Variants in PNN observed in about 807,000 individuals in gnomAD.
PNN encodes the protein pinin.
In PNN, 38 loss-of-function variants were observed where a neutral mutation model predicts 76.6. That is an observed-to-expected ratio of 0.50 (90% CI 0.38 to 0.65). The LOEUF (loss-of-function observed/expected upper bound fraction) is 0.65. Among genes scored for constraint, PNN ranks in the 30% least tolerant of loss-of-function variants. PNN has a pLI of 0.00. For synonymous variants in PNN, 366 were observed against 283.7 expected (o/e 1.29, Z -2.91); for missense variants, 873 against 874.1 (o/e 1.00, Z 0.02).
At chr14:39,175,417 ACTCGGAG>A (rs779425811) in intron 1 of PNN, 25 bp downstream of exon 1, 30 of 1,429,538 alleles carry the variant, frequency 2.1e-5, no homozygotes, top group Non-Finnish European at 2.9e-5. Flanking sequence ...GGAACTCGGA[ACTCGGAG>A]CTCGGAGAGG....
chr14:39,177,709 A>C (rs2053239537), intron 5 of PNN, 22 bp downstream of exon 5: 1 of 1,561,850 alleles, frequency 6.4e-7, no homozygotes, highest in Non-Finnish European at 8.8e-7. Context: ...GGGGAAAAAA[A>C]CTCTAGTGAA....
intron 6 of PNN, among the ~76,000 whole-genome samples, chr14:39,178,592 T>G (rs2053246890): frequency 1.3e-5 from 2 of 151,810 alleles, no homozygotes; most frequent in South Asian, 4.1e-4. Flanking sequence ...TCTTTTTTTT[T>G]GTAGAGATGG....
chr14:39,179,144 G>A lies in PNN; in HGVS notation c.552G>A (p.Glu184=). ...EQKLEVQAEE[E]RKQVENERRE... Reference sequence around the variant, plus strand: ...AACTTGAAGTTCAGGCAGAAGAAGAGAGAAAGCAGGTTGAAAATGAAAGGA... The same window carrying A: ...AACTTGAAGTTCAGGCAGAAGAAGAAAGAAAGCAGGTTGAAAATGAAAGGA... The change falls in exon 7 of 9, where the codon GAG becomes GAA. Residue 184 remains glutamate (E), a synonymous_variant. Coordinates refer to ENST00000216832, the MANE Select transcript of PNN (RefSeq NM_002687.4). 2 of 1,614,072 alleles carry A rather than the reference G, an allele frequency of 1.2e-6. No homozygotes were observed. The highest frequency in any genetic ancestry group is 1.7e-6 in the Non-Finnish European group (2 of 1,180,012).
intron 1 of PNN, 24 bp downstream of exon 1, chr14:39,175,416 A>G (rs1398268466): frequency 7.0e-7 from 1 of 1,437,838 alleles, no homozygotes; most frequent in Admixed American, 1.7e-5. Flanking sequence ...GGGAACTCGG[A>G]ACTCGGAGCT....
In PNN at chr14:39,181,135, C is replaced by G. The variant is rs1160274931; in HGVS notation, c.1426C>G (p.Pro476Ala). Reference sequence around the variant, plus strand: ...GCCCCAACCTGAGCCTGTGGCTCAACCTCAGCCTCAGTCTCAGCCCCAGCT... The same window carrying G: ...GCCCCAACCTGAGCCTGTGGCTCAAGCTCAGCCTCAGTCTCAGCCCCAGCT... ...SEPQPEPVAQ[P>A]QPQSQPQLQL... Residue 476 changes from proline to alanine, a missense_variant, in exon 9 of 9, where the codon CCT becomes GCT. Physicochemically the swap from Pro to Ala is conservative, Grantham distance 27. This residue lies in a region of PNN where 712 missense variants were observed against 693.1 expected (regional missense o/e 1.03). Transcript: ENST00000216832. The G allele has an allele frequency of 1.2e-6, 2 of 1,604,178 alleles. No homozygotes were observed. The highest frequency in any genetic ancestry group is 1.1e-5 in the South Asian group (1 of 90,900).
At position 39,177,702 on chromosome 14, in the gene PNN, G is replaced by T. The variant is rs771268126; in HGVS notation, c.422+15G>T. The T allele has an allele frequency of 6.3e-7, 1 of 1,578,642 alleles. No individual in the cohort carries two copies. The highest frequency in any genetic ancestry group is 8.7e-7 in the Non-Finnish European group (1 of 1,148,034). On this transcript the variant is annotated intron_variant, in intron 5 of 8. Transcript: ENST00000216832. ...GGAAAGCAAAGGTATTTCCCTGGGG[G>T]AAAAAAACTCTAGTGAAATAATGCA...
rs756239655 is a variant in PNN at position 39,181,512 on chromosome 14, TAGC to T, written c.1806_1808del (p.Ser603del). 1 of 1,600,026 alleles carries T rather than the reference TAGC, an allele frequency of 6.2e-7. No individual in the cohort carries two copies. The highest frequency in any genetic ancestry group is 1.1e-5 in the South Asian group (1 of 89,998). On this transcript the variant is annotated inframe_deletion, in exon 9 of 9. Coordinates refer to ENST00000216832, the MANE Select transcript of PNN (RefSeq NM_002687.4). ...GAAGTAGTTCCAGCAGTGGAAGTAG[TAGC>T]AGTCGCAGTAGTTCCAGTAGCAGCT...
chr14:39,180,284 T>C (rs918062735), intron 8 of PNN, among the ~76,000 whole-genome samples: 2 of 152,194 alleles, frequency 1.3e-5, no homozygotes, highest in African/African-American at 4.8e-5. Flanking sequence ...AAATGTGTAG[T>C]TCTGTCTGCC....
At position 39,175,326 on chromosome 14, in the gene PNN, A is replaced by G. The variant is rs761406051; in HGVS notation, c.47A>G (p.Lys16Arg). The change falls in exon 1 of 9, where the codon AAA becomes AGA. Residue 16 changes from lysine (K) to arginine (R), a missense_variant. Physicochemically the swap from Lys to Arg is conservative, Grantham distance 26. Around this residue, in one of 3 missense-constraint regions of PNN, gnomAD observed 156 missense variants for 161.7 expected, o/e 0.96. Coordinates refer to ENST00000216832, the MANE Select transcript of PNN (RefSeq NM_002687.4). ...RTLQEQLEKA[K>R]ESLKNVDENI... Reference sequence around the variant, plus strand: ...TTGCAGGAACAGCTGGAAAAGGCCAAAGAGAGTCTTAAGAACGTGGATGAG... The same window carrying G: ...TTGCAGGAACAGCTGGAAAAGGCCAGAGAGAGTCTTAAGAACGTGGATGAG... 6 of 1,611,936 alleles carry G rather than the reference A, an allele frequency of 3.7e-6. No individual in the cohort carries two copies. The highest frequency in any genetic ancestry group is 4.2e-6 in the Non-Finnish European group (5 of 1,179,096).
chr14:39,179,292 A>G (rs957072462), intron 7 of PNN, 32 bp from the exon 8 acceptor site: 3 of 1,608,368 alleles, frequency 1.9e-6, no homozygotes, highest in Non-Finnish European at 2.5e-6. Context: ...CTTTGTGTTT[A>G]CAAAAGCACT....
intron 8 of PNN, 125 bp downstream of exon 8, chr14:39,179,587 T>A (rs1428328290): frequency 1.2e-5 from 10 of 855,982 alleles, no homozygotes; most frequent in Non-Finnish European, 1.8e-5. Context: ...CTTTTTTTTT[T>A]TAAATAAGAT....
chr14:39,176,009 C>G, intron 1 of PNN, 69 bp from the exon 2 acceptor site: 3 of 809,564 alleles, frequency 3.7e-6, no homozygotes, highest in Non-Finnish European at 4.3e-6. Flanking sequence ...ATCCACATCT[C>G]TGAAAGTATT....
chr14:39,181,997 CTGTT>C lies in PNN; in HGVS notation c.*140_*143del, dbSNP rs538234283. 8.5e-4 allele frequency: 695 copies of C among 820,318 alleles called. 1 individual carries two copies. The highest frequency in any genetic ancestry group is 1.2e-3 in the Non-Finnish European group (647 of 551,792). The allele number at this position is 820,318 out of a possible 1,614,324, so 50.8% of individuals were successfully genotyped here. A position where few individuals can be genotyped will look rare whatever the true frequency, so the allele number is the denominator to read the frequency against. ...AAAAAATCTTTTTGGAAAATACAGACTGTTTGTTTACCAGACATTCTTGTACTTT... is the reference window on the plus strand; with the variant it reads ...AAAAAATCTTTTTGGAAAATACAGACTGTTTACCAGACATTCTTGTACTTT... On this transcript the variant is annotated 3_prime_UTR_variant, in exon 9 of 9. Coordinates refer to ENST00000216832, the MANE Select transcript of PNN (RefSeq NM_002687.4).
chr14:39,176,350 T>C, intron 2 of PNN, 177 bp from the exon 3 acceptor site: 3 of 637,168 alleles, frequency 4.7e-6, no homozygotes, highest in Non-Finnish European at 8.2e-6. Flanking sequence ...AGTTTACCAA[T>C]TTTGAGTGAA....
At chr14:39,179,786 C>T (rs1039371056) in intron 8 of PNN, among the ~76,000 whole-genome samples, 3 of 151,756 alleles carry the variant, frequency 2.0e-5, no homozygotes, top group African/African-American at 7.3e-5. Flanking sequence ...CCTGTAATTC[C>T]AGCTACTTGG....
chr14:39,181,435 C>G lies in PNN; in HGVS notation c.1726C>G (p.Arg576Gly), dbSNP rs142928587. The change falls in exon 9 of 9, where the codon CGA (arginine) becomes GGA (glycine). Residue 576 changes from arginine to glycine, a missense_variant. Physicochemically the swap from Arg to Gly is moderately radical, Grantham distance 125. Around this residue, in one of 3 missense-constraint regions of PNN, gnomAD observed 712 missense variants for 693.1 expected, o/e 1.03. Coordinates refer to ENST00000216832, the MANE Select transcript of PNN (RefSeq NM_002687.4). ...ARNKTSKSRS[R>G]SSSSSSSSSS... is the part of the protein sequence containing the mutation. ...AAATAAAACAAGCAAGAGTAGAAGT[C>G]GAAGCAGTAGCAGTAGCAGTTCTAG... 5 of 1,613,846 alleles carry G rather than the reference C, an allele frequency of 3.1e-6. No individual in the cohort carries two copies. The highest frequency in any genetic ancestry group is 2.2e-5 in the East Asian group (1 of 44,886).
intron 1 of PNN, 33 bp downstream of exon 1, chr14:39,175,425 C>T (rs748596647): frequency 3.8e-6 from 5 of 1,325,806 alleles, no homozygotes; most frequent in South Asian, 3.6e-5. Flanking sequence ...GAACTCGGAG[C>T]TCGGAGAGGC....
chr14:39,179,197 AACAG>A lies in PNN; in HGVS notation c.611_614del (p.Thr204AsnfsTer25), dbSNP rs1223653081. ...GAACTGTTTGAAGAGAGGCGTGCTA[AACAG>A]ACAGAACTGCGGCTTTTGGAACAGA... On this transcript the variant is annotated frameshift_variant, in exon 7 of 9. Coordinates refer to ENST00000216832, the MANE Select transcript of PNN (RefSeq NM_002687.4). LOFTEE classifies it high-confidence loss of function. 1.9e-6 allele frequency: 3 copies of A among 1,613,736 alleles called. No individual in the cohort carries two copies. Among genetic ancestry groups the A allele is most frequent in the African/African-American group, 1.3e-5 (1 of 74,912 alleles).
chr14:39,180,490 T>G lies in PNN; in HGVS notation c.794-13T>G. ...ATCGGTAAATTTTACACATGTAAAT[T>G]TTTATTCTTTAGCTTTATTTGAAGG... On this transcript the variant is annotated splice_polypyrimidine_tract_variant and intron_variant, in intron 8 of 8. Coordinates refer to ENST00000216832, the MANE Select transcript of PNN (RefSeq NM_002687.4). 1 of 1,532,562 alleles carries G rather than the reference T, an allele frequency of 6.5e-7. No homozygotes were observed. 94.9% of individuals were successfully genotyped at this position (1,532,562 alleles called of 1,614,324 possible). A position where few individuals can be genotyped will look rare whatever the true frequency, so the allele number is the denominator to read the frequency against.
Sources: gnomAD v4.1 joint callset for allele counts (sites outside exome capture counted in the v4.1 genomes callset) on GRCh38, gnomAD v4.1.1 for gene constraint, gnomAD v4.1.1 regional missense constraint, MANE v1.5 for transcripts, NCBI Gene and HGNC (gene_info 2026-07-23, HGNC 2026-07-21) for gene names.